The following KSR2 variants were observed in gnomAD, a reference collection of about 807,000 sequenced individuals.
KSR2 encodes the protein kinase suppressor of ras 2.
In KSR2, 25 loss-of-function variants were observed where a neutral mutation model predicts 107.8. The ratio of observed to expected loss-of-function variants is 0.23; its 90% CI spans 0.17 to 0.32. The LOEUF (loss-of-function observed/expected upper bound fraction) is 0.32, where lower values mean the gene tolerates loss of function less well. KSR2 is among the 10% of genes least tolerant of loss of function. The pLI is 1.00. For synonymous variants in KSR2, 480 were observed against 507.0 expected, an observed-to-expected ratio of 0.95 and a Z score of 0.71; for missense variants, 887 against 1,268.9, an observed-to-expected ratio of 0.70 and a Z score of 4.57.
At chr12:117,688,769 C>T (rs1224059473) in intron 4 of KSR2, among the ~76,000 whole-genome samples, 1 of 152,206 alleles carries the variant, frequency 6.6e-6, no homozygotes, top group Non-Finnish European at 1.5e-5. Flanking sequence ...GATACAACTG[C>T]ACACGCCATG....
chr12:117,674,536 A>G (rs1885044888), intron 4 of KSR2: 1 of 414,038 alleles, frequency 2.4e-6, no homozygotes, highest in Non-Finnish European at 4.9e-6. Flanking sequence ...CCCCTGCACC[A>G]CCAATCAGCT....
chr12:117,593,348 GA>G, intron 5 of KSR2, among the ~76,000 whole-genome samples: 1 of 152,346 alleles, frequency 6.6e-6, no homozygotes, highest in Non-Finnish European at 1.5e-5. Flanking sequence ...GCCTCACGTT[GA>G]AATAAACCAA....
intron 1 of KSR2, among the ~76,000 whole-genome samples, chr12:117,912,708 T>C (rs960884886): frequency 2.6e-5 from 4 of 152,216 alleles, no homozygotes; most frequent in Admixed American, 2.0e-4. Flanking sequence ...TTTTACATCC[T>C]GTCCAAGTGC....
intron 14 of KSR2, among the ~76,000 whole-genome samples, chr12:117,491,809 T>A (rs1872759281): frequency 6.6e-6 from 1 of 152,186 alleles, no homozygotes; most frequent in East Asian, 1.9e-4. Context: ...GAGGCTATGT[T>A]CTTAAAATCC....
intron 5 of KSR2, among the ~76,000 whole-genome samples, chr12:117,607,533 T>C (rs1376132275): frequency 6.6e-6 from 1 of 152,108 alleles, no homozygotes; most frequent in Non-Finnish European, 1.5e-5. Flanking sequence ...CATGCCTCCA[T>C]GGGCCCCCTT....
At chr12:117,868,968 G>T (rs962937333) in intron 1 of KSR2, among the ~76,000 whole-genome samples, 6 of 151,910 alleles carry the variant, frequency 3.9e-5, no homozygotes, top group Non-Finnish European at 5.9e-5. Context: ...GACCAGGTTG[G>T]TCTCGAACTC....
At chr12:117,717,824 C>A (rs2136677449) in intron 4 of KSR2, among the ~76,000 whole-genome samples, 1 of 152,230 alleles carries the variant, frequency 6.6e-6, no homozygotes, top group East Asian at 1.9e-4. Context: ...TCACAAGGGG[C>A]CAATCTCAGG....
chr12:117,788,233 A>G (rs1439667907), intron 3 of KSR2, among the ~76,000 whole-genome samples: 1 of 152,214 alleles, frequency 6.6e-6, no homozygotes, highest in Non-Finnish European at 1.5e-5. Flanking sequence ...GAAATGAATG[A>G]CTTCATAAGG....
chr12:117,702,020 C>T (rs1194652534), intron 4 of KSR2, among the ~76,000 whole-genome samples: 4 of 152,200 alleles, frequency 2.6e-5, no homozygotes, highest in Admixed American at 2.0e-4. Flanking sequence ...GTGATCTGGC[C>T]CTTCCCACTT....
intron 13 of KSR2, among the ~76,000 whole-genome samples, chr12:117,526,096 C>T (rs1297097893): frequency 6.6e-6 from 1 of 152,206 alleles, no homozygotes; most frequent in African/African-American, 2.4e-5. Context: ...TAAACACCGA[C>T]TGGGAGGCCC....
chr12:117,811,384 T>C (rs1298248359), intron 3 of KSR2, among the ~76,000 whole-genome samples: 1 of 152,234 alleles, frequency 6.6e-6, no homozygotes, highest in Non-Finnish European at 1.5e-5. Context: ...TCTCAAAGTG[T>C]GGCCCCCTGT....
chr12:117,891,022 T>C (rs1236577741), intron 1 of KSR2: 2 of 152,204 alleles, frequency 1.3e-5, no homozygotes, highest in Non-Finnish European at 1.5e-5. Context: ...AAGAGGTCAA[T>C]GGCAGAATAA....
chr12:117,678,102 A>ATTTTTTTTTTTTTTTTTTTTTTTTTT (rs35096843), intron 4 of KSR2, among the ~76,000 whole-genome samples: 1 of 127,544 alleles, frequency 7.8e-6, no homozygotes, highest in Non-Finnish European at 1.7e-5. Context: ...AGCCCAGCTA[A>ATTTTTTTTTTTTTTTTTTTTTTTTTT]TTTTTTTTTT....
chr12:117,618,871 G>A (rs879941489), intron 5 of KSR2, among the ~76,000 whole-genome samples: 5 of 152,144 alleles, frequency 3.3e-5, no homozygotes, highest in East Asian at 3.9e-4. Flanking sequence ...GCATGAAAAC[G>A]GACTAATACG....
intron 1 of KSR2, among the ~76,000 whole-genome samples, chr12:117,865,029 A>G (rs566331479): frequency 6.6e-6 from 1 of 152,234 alleles, no homozygotes; most frequent in South Asian, 2.1e-4. Context: ...ATCCTAGATA[A>G]GGGACCTGGG....
intron 5 of KSR2, among the ~76,000 whole-genome samples, chr12:117,586,701 A>G (rs188835788): frequency 2.4e-4 from 36 of 151,936 alleles, no homozygotes; most frequent in East Asian, 1.7e-3. Context: ...CCGTGTGCCA[A>G]GCACTACTGT....
At chr12:117,927,901 A>C (rs1895580423) in intron 1 of KSR2, among the ~76,000 whole-genome samples, 1 of 152,256 alleles carries the variant, frequency 6.6e-6, no homozygotes, top group Admixed American at 6.5e-5. Context: ...GCACATACGC[A>C]GTGTTGTGTA....
At chr12:117,963,843 T>C (rs1251417153) in intron 1 of KSR2, among the ~76,000 whole-genome samples, 1 of 152,078 alleles carries the variant, frequency 6.6e-6, no homozygotes, top group African/African-American at 2.4e-5. Flanking sequence ...CTTCATCTGG[T>C]TTGTTGTTCT....
chr12:117,674,443 A>C (rs1328038588), intron 4 of KSR2: 1 of 454,842 alleles, frequency 2.2e-6, no homozygotes, highest in Non-Finnish European at 4.4e-6. Context: ...GGAAGATCAC[A>C]ACCTCTATCT....
Sources: gnomAD v4.1 joint callset for allele counts (sites outside exome capture counted in the v4.1 genomes callset) on GRCh38, gnomAD v4.1.1 for gene constraint, MANE v1.5 for transcripts, NCBI Gene and HGNC (gene_info 2026-07-23, HGNC 2026-07-21) for gene names.